Variants in ABCC4 observed in about 807,000 individuals in gnomAD.
ABCC4 encodes ATP-binding cassette sub-family C member 4.
Under a neutral mutation model 168.5 loss-of-function variants are expected in ABCC4, and 102 were observed. The observed-to-expected ratio is 0.61, with a 90% CI of 0.52 to 0.71. The LOEUF (loss-of-function observed/expected upper bound fraction) is 0.71. ABCC4 is among the 30% of genes least tolerant of loss of function. The probability of loss-of-function intolerance (pLI) is 0.00; values close to 1 mark genes in which losing one functional copy is unlikely to be tolerated. For missense variants in ABCC4, 1,402 were observed against 1,605.8 expected (o/e 0.87, Z 2.17); for synonymous variants, 617 against 590.7 (o/e 1.04, Z -0.65).
intron 25 of ABCC4, among the ~76,000 whole-genome samples, chr13:95,065,931 G>A (rs1310676158): frequency 2.0e-5 from 3 of 152,282 alleles, no homozygotes; most frequent in East Asian, 3.9e-4. Context: ...CGTCTTCCCC[G>A]TGCACTCATT....
chr13:95,067,488 G>A (rs987146235), intron 25 of ABCC4, among the ~76,000 whole-genome samples: 3 of 152,070 alleles, frequency 2.0e-5, no homozygotes, highest in Non-Finnish European at 4.4e-5. Context: ...ATTGCTTACC[G>A]GAGAGCAACG....
At chr13:95,164,242 C>A (rs1383201963) in intron 16 of ABCC4, 136 bp downstream of exon 16, 3 of 1,033,932 alleles carry the variant, frequency 2.9e-6, no homozygotes, top group East Asian at 5.0e-5. Context: ...CACCAGTAGG[C>A]AGCCCTCACT....
rs763827501 is a variant in ABCC4, at chr13:95,071,654, A to G, written c.3210+8T>C. 3 of 1,424,944 alleles carry G rather than the reference A, an allele frequency of 2.1e-6. No individual in the cohort carries two copies. Among genetic ancestry groups the G allele is most frequent in the Non-Finnish European group, 2.8e-6 (3 of 1,084,280 alleles). The allele number at this position is 1,424,944 out of a possible 1,614,324, so 88.3% of individuals were successfully genotyped here. A position where few individuals can be genotyped will look rare whatever the true frequency, so the allele number is the denominator to read the frequency against. On this transcript the variant is annotated splice_region_variant and intron_variant, in intron 25 of 30. Coordinates refer to ENST00000645237, the MANE Select transcript of ABCC4 (RefSeq NM_005845.5). ...AAATTGAGAAGAGGCAAGATGCTTT[A>G]AACAAACCTTTTCTTGTGATTTAAT...
chr13:95,147,620 G>A (rs1378137347), intron 19 of ABCC4, among the ~76,000 whole-genome samples: 3 of 152,016 alleles, frequency 2.0e-5, no homozygotes, highest in Admixed American at 2.0e-4. Context: ...CATGCTTTTT[G>A]AAAAAGGTGA....
chr13:95,179,132 G>A (rs60802901), intron 11 of ABCC4, among the ~76,000 whole-genome samples: 1,985 of 152,310 alleles, frequency 0.013, 39 homozygotes, highest in East Asian at 0.1. Context: ...AGACCCAACC[G>A]TGAGGGCTGT....
intron 24 of ABCC4, among the ~76,000 whole-genome samples, chr13:95,072,943 T>G (rs2033782352): frequency 1.3e-5 from 2 of 152,114 alleles, no homozygotes; most frequent in Admixed American, 6.5e-5. Flanking sequence ...TTTCAGAACC[T>G]CCCTCCTACA....
chr13:95,188,625 G>T, intron 9 of ABCC4, 83 bp from the exon 10 acceptor site: 2 of 1,105,844 alleles, frequency 1.8e-6, no homozygotes, highest in Non-Finnish European at 2.6e-6. Flanking sequence ...CAATACAACA[G>T]TCATTGATAC....
intron 21 of ABCC4, among the ~76,000 whole-genome samples, chr13:95,077,187 C>A (rs778497746): frequency 6.6e-6 from 1 of 152,186 alleles, no homozygotes; most frequent in African/African-American, 2.4e-5. Context: ...ATTGGGGACA[C>A]GTGACCTAGC....
At chr13:95,051,126 T>C (rs566715666) in intron 27 of ABCC4, among the ~76,000 whole-genome samples, 5 of 152,210 alleles carry the variant, frequency 3.3e-5, no homozygotes, top group East Asian at 1.9e-4. Context: ...CAGAGGTCAA[T>C]TGCTTATCAA....
chr13:95,050,134 G>A (rs554065840), intron 27 of ABCC4, among the ~76,000 whole-genome samples: 2 of 152,316 alleles, frequency 1.3e-5, no homozygotes, highest in South Asian at 4.2e-4. Flanking sequence ...CAGAGTCGTG[G>A]TGCTGAATCC....
At chr13:95,060,458 A>G (rs1406788500) in intron 26 of ABCC4, among the ~76,000 whole-genome samples, 1 of 152,230 alleles carries the variant, frequency 6.6e-6, no homozygotes, top group Non-Finnish European at 1.5e-5. Flanking sequence ...GAATTCATTC[A>G]AAGTAATGCA....
chr13:95,136,259 G>A (rs941392982), intron 19 of ABCC4, among the ~76,000 whole-genome samples: 3 of 151,792 alleles, frequency 2.0e-5, no homozygotes, highest in South Asian at 2.1e-4. Flanking sequence ...TGCAACCTCC[G>A]TCTTCTGGGC....
chr13:95,191,313 T>C (rs1449919135), intron 9 of ABCC4, among the ~76,000 whole-genome samples: 1 of 152,190 alleles, frequency 6.6e-6, no homozygotes, highest in Non-Finnish European at 1.5e-5. Context: ...GTATGAAAAC[T>C]GACCCCTTAT....
intron 19 of ABCC4, among the ~76,000 whole-genome samples, chr13:95,134,934 A>T (rs1487502398): frequency 6.6e-6 from 1 of 152,100 alleles, no homozygotes; most frequent in African/African-American, 2.4e-5. Flanking sequence ...CTTGGGGGGA[A>T]AAACAGACCC....
At chr13:95,184,387 A>G (rs2037994469) in intron 11 of ABCC4, among the ~76,000 whole-genome samples, 1 of 152,202 alleles carries the variant, frequency 6.6e-6, no homozygotes, top group Admixed American at 6.5e-5. Flanking sequence ...TCAATCACCT[A>G]ATTGTTAAAA....
chr13:95,232,170 AC>A, intron 4 of ABCC4, among the ~76,000 whole-genome samples: 1 of 151,104 alleles, frequency 6.6e-6, no homozygotes, highest in East Asian at 1.9e-4. Flanking sequence ...GATGATGAAG[AC>A]CCCTTGACTA....
chr13:95,126,845 CAAAT>C (rs1201439444), intron 19 of ABCC4, among the ~76,000 whole-genome samples: 2 of 136,958 alleles, frequency 1.5e-5, no homozygotes, highest in East Asian at 4.2e-4. Context: ...TTAAGTACAC[CAAAT>C]ATATATATTT....
intron 20 of ABCC4, among the ~76,000 whole-genome samples, chr13:95,087,856 G>GT (rs1032619037): frequency 4.7e-4 from 71 of 152,062 alleles, no homozygotes; most frequent in South Asian, 8.3e-4. Flanking sequence ...CTTTACATCT[G>GT]TTTTTTTTGT....
At chr13:95,077,307 G>A (rs144182330) in intron 21 of ABCC4, among the ~76,000 whole-genome samples, 280 of 152,272 alleles carry the variant, frequency 1.8e-3, no homozygotes, top group Middle Eastern at 6.8e-3. Flanking sequence ...AGTAAAACAT[G>A]GGGTGTCCGG....
Sources: allele counts gnomAD v4.1 joint callset (sites outside exome capture counted in the v4.1 genomes callset), GRCh38; gene constraint gnomAD v4.1.1; transcripts MANE v1.5; gene names NCBI Gene and HGNC (gene_info 2026-07-23, HGNC 2026-07-21).